The following CDA variants were observed in gnomAD, a reference collection of about 807,000 sequenced individuals.
CDA encodes the protein cytidine deaminase.
CDA carries 7 observed loss-of-function variants against 15.0 expected under a neutral mutation model. The observed-to-expected ratio is 0.47, with a 90% CI of 0.26 to 0.87. CDA has a LOEUF of 0.87. Among genes scored for constraint, CDA ranks in the 40% least tolerant of loss-of-function variants. The pLI is 0.15. For missense variants in CDA, 159 were observed against 182.7 expected (o/e 0.87, Z 0.75); for synonymous variants, 58 against 73.0 (o/e 0.79, Z 1.05).
intron 2 of CDA, among the ~76,000 whole-genome samples, chr1:20,605,639 G>A (rs1322541922): frequency 1.7e-5 from 2 of 117,428 alleles, no homozygotes; most frequent in Non-Finnish European, 1.9e-5. Flanking sequence ...CAGCCTGGGC[G>A]ACAGAGCAAG....
intron 1 of CDA, among the ~76,000 whole-genome samples, chr1:20,601,804 T>C (rs997590932): frequency 2.6e-5 from 4 of 152,104 alleles, no homozygotes; most frequent in African/African-American, 9.7e-5. Context: ...AACAAAATAC[T>C]GCATAATCAC....
At chr1:20,612,478 C>T (rs1361310630) in intron 2 of CDA, among the ~76,000 whole-genome samples, 1 of 151,844 alleles carries the variant, frequency 6.6e-6, no homozygotes, top group Non-Finnish European at 1.5e-5. Context: ...ATGAGTCTCA[C>T]GGTCTCCCCA....
chr1:20,603,888 A>G (rs10799647), intron 1 of CDA, among the ~76,000 whole-genome samples: 41,658 of 151,898 alleles, frequency 0.27, 5,888 homozygotes, highest in Middle Eastern at 0.34. Context: ...GCCTTGGCTT[A>G]TTGTCCCCCA....
intron 3 of CDA, among the ~76,000 whole-genome samples, chr1:20,615,007 G>A (rs759184967): frequency 2.6e-5 from 4 of 152,088 alleles, no homozygotes; most frequent in South Asian, 2.1e-4. Flanking sequence ...GACTACAGGC[G>A]CCAGCTACCA....
intron 1 of CDA, among the ~76,000 whole-genome samples, chr1:20,595,917 G>A (rs933512401): frequency 6.6e-6 from 1 of 151,622 alleles, no homozygotes; most frequent in African/African-American, 2.4e-5. Flanking sequence ...GGGAGGCTGA[G>A]GTGGGTGGAT....
intron 3 of CDA, among the ~76,000 whole-genome samples, chr1:20,614,679 G>C (rs890888961): frequency 1.3e-5 from 2 of 152,190 alleles, no homozygotes; most frequent in African/African-American, 2.4e-5. Context: ...GAACCAGCAA[G>C]TTCAGACCCT....
chr1:20,606,978 G>T (rs1398105851), intron 2 of CDA, among the ~76,000 whole-genome samples: 1 of 152,154 alleles, frequency 6.6e-6, no homozygotes, highest in Non-Finnish European at 1.5e-5. Context: ...CATGGGAAAT[G>T]TTGATCCCAC....
chr1:20,611,205 A>C (rs1342663113), intron 2 of CDA, among the ~76,000 whole-genome samples: 1 of 152,194 alleles, frequency 6.6e-6, no homozygotes, highest in East Asian at 1.9e-4. Flanking sequence ...GTGCCACTGC[A>C]CTGTAGCCTA....
At chr1:20,602,278 A>T (rs1415454265) in intron 1 of CDA, among the ~76,000 whole-genome samples, 1 of 152,142 alleles carries the variant, frequency 6.6e-6, no homozygotes, top group East Asian at 1.9e-4. Context: ...GCTGGAGTCC[A>T]CAGCATAGGA....
chr1:20,609,619 C>T (rs1355923129), intron 2 of CDA, among the ~76,000 whole-genome samples: 6 of 152,318 alleles, frequency 3.9e-5, no homozygotes, highest in Middle Eastern at 3.4e-3. Context: ...GCCTTTGTTA[C>T]GGCATTTGTG....
chr1:20,615,968 C>A (rs2154532903), intron 3 of CDA, among the ~76,000 whole-genome samples: 1 of 152,296 alleles, frequency 6.6e-6, no homozygotes, highest in East Asian at 1.9e-4. Context: ...CCACTGCACT[C>A]CTGCCTGGGT....
chr1:20,610,064 G>A (rs973214248), intron 2 of CDA, among the ~76,000 whole-genome samples: 1 of 152,016 alleles, frequency 6.6e-6, no homozygotes, highest in African/African-American at 2.4e-5. Flanking sequence ...TTGGTTGGGT[G>A]GTTGATCAGT....
At chr1:20,606,318 G>A (rs771108554) in intron 2 of CDA, among the ~76,000 whole-genome samples, 4 of 151,908 alleles carry the variant, frequency 2.6e-5, no homozygotes, top group African/African-American at 4.8e-5. Flanking sequence ...CTGAGTGACA[G>A]AGCGAGATTC....
intron 3 of CDA, among the ~76,000 whole-genome samples, chr1:20,615,995 G>A (rs987853033): frequency 6.6e-6 from 1 of 152,070 alleles, no homozygotes; most frequent in African/African-American, 2.4e-5. Context: ...GCGAGATCCG[G>A]TCTCAAAAAT....
chr1:20,597,859 G>A lies in CDA; in HGVS notation c.155-7069G>A, dbSNP rs1333731852. Among the ~76,000 whole-genome samples the A allele has an allele frequency of 4.6e-5, 7 of 151,372 alleles. No homozygotes were observed. In the East Asian group the frequency reaches 1.2e-3, roughly 25 times the overall value. Reference sequence around the variant, plus strand: ...TGCACAGCATTTCAGGATGCAGTACGTGGGCAAAGGCTTCCTTCCTTTTTT... The same window carrying A: ...TGCACAGCATTTCAGGATGCAGTACATGGGCAAAGGCTTCCTTCCTTTTTT... On this transcript the variant is annotated intron_variant, in intron 1 of 3. Transcript: ENST00000375071.
intron 3 of CDA, among the ~76,000 whole-genome samples, chr1:20,614,913 G>A (rs536639237): frequency 6.6e-6 from 1 of 152,066 alleles, no homozygotes; most frequent in East Asian, 1.9e-4. Context: ...CCAGGCTGGA[G>A]TGCAGTGGTA....
At position 20,615,150 on chromosome 1, in the gene CDA, G is replaced by A. The variant is rs1025594434; in HGVS notation, c.324+1251G>A. 1.0e-3 allele frequency among the ~76,000 whole-genome samples: 153 copies of A among 151,930 alleles called. 2 individuals are homozygous for A. Among genetic ancestry groups the A allele is most frequent in the African/African-American group, 3.5e-3 (145 of 41,444 alleles). Reference sequence around the variant, plus strand: ...GCTGGGATTACAGGCGTGAGCCACCGCGCCCAGCCTGGAGTGTACACTTAA... The same window carrying A: ...GCTGGGATTACAGGCGTGAGCCACCACGCCCAGCCTGGAGTGTACACTTAA... On this transcript the variant is annotated intron_variant, in intron 3 of 3. Coordinates refer to ENST00000375071, the MANE Select transcript of CDA (RefSeq NM_001785.3).
chr1:20,612,847 G>A (rs1418527379), intron 2 of CDA, among the ~76,000 whole-genome samples: 3 of 150,438 alleles, frequency 2.0e-5, no homozygotes, highest in Non-Finnish European at 4.4e-5. Flanking sequence ...GGAGGTTGAG[G>A]CAGGAGAATC....
intron 1 of CDA, among the ~76,000 whole-genome samples, chr1:20,592,811 G>T (rs900016278): frequency 9.9e-5 from 15 of 152,270 alleles, no homozygotes; most frequent in African/African-American, 3.6e-4. Context: ...TACAAATAAA[G>T]GCTGGGTGCG....
Sources: gnomAD v4.1 joint callset for allele counts (sites outside exome capture counted in the v4.1 genomes callset) on GRCh38, gnomAD v4.1.1 for gene constraint, MANE v1.5 for transcripts, NCBI Gene and HGNC (gene_info 2026-07-23, HGNC 2026-07-21) for gene names.